NXNL2: variants seen among roughly 807,000 people sequenced by gnomAD.
The protein encoded by NXNL2 is nucleoredoxin like 2.
In NXNL2, 7 loss-of-function variants were observed where a neutral mutation model predicts 11.1. The ratio of observed to expected loss-of-function variants is 0.63; its 90% CI spans 0.36 to 1.18. The LOEUF is 1.18. Among genes scored for constraint, NXNL2 ranks in the 50% most tolerant of loss-of-function variants. The pLI is 0.02. For synonymous variants in NXNL2, 109 were observed against 101.8 expected (o/e 1.07, Z -0.42); for missense variants, 233 against 217.7 (o/e 1.07, Z -0.44).
intron 2 of NXNL2, among the ~76,000 whole-genome samples, chr9:88,574,178 A>G (rs945022981): frequency 2.6e-5 from 4 of 152,266 alleles, no homozygotes; most frequent in Admixed American, 2.6e-4. Flanking sequence ...AAATGTTCAT[A>G]GCAGTATTAT....
At chr9:88,558,299 C>G (rs1388777524) in intron 1 of NXNL2, among the ~76,000 whole-genome samples, 1 of 152,154 alleles carries the variant, frequency 6.6e-6, no homozygotes, top group Non-Finnish European at 1.5e-5. Context: ...TGGGGAGTTT[C>G]TGGCTAGCTG....
intron 2 of NXNL2, among the ~76,000 whole-genome samples, chr9:88,572,975 T>C (rs537570563): frequency 3.8e-4 from 58 of 152,288 alleles, no homozygotes; most frequent in African/African-American, 1.4e-3. Context: ...ATTAGCACCC[T>C]GTGTGGGCCT....
intron 1 of NXNL2, among the ~76,000 whole-genome samples, chr9:88,550,283 A>G (rs1829911754): frequency 6.6e-6 from 1 of 152,166 alleles, no homozygotes; most frequent in Non-Finnish European, 1.5e-5. Flanking sequence ...TCAACATGAT[A>G]TTTGGGAAGG....
At position 88,535,525 on chromosome 9, in the gene NXNL2, C is replaced by T. The variant is rs747417391; in HGVS notation, c.91C>T (p.Leu31=). The part of the protein sequence containing the change: ...EAALQNKVVA[L]YFAAARCAPS... ...GGCGCTGCAGAACAAGGTGGTGGCA[C>T]TGTACTTCGCGGCGGCCCGGTGCGC... The change falls in exon 1 of 2, where the codon CTG becomes TTG. Residue 31 remains leucine, a synonymous_variant. Transcript: ENST00000375854. 3 of 1,609,588 alleles carry T rather than the reference C, an allele frequency of 1.9e-6. No homozygotes were observed. The highest frequency in any genetic ancestry group is 4.5e-5 in the East Asian group (2 of 44,776).
In NXNL2 at chr9:88,535,439, T is replaced by C. The variant is rs776821042; in HGVS notation, c.5T>C (p.Val2Ala). The C allele has an allele frequency of 1.3e-6, 2 of 1,597,806 alleles. No individual in the cohort carries two copies. Among genetic ancestry groups the C allele is most frequent in the Admixed American group, 3.4e-5 (2 of 59,078 alleles). ...AGGTGGCTGCGTGTCTGCGCCATGGTTGACATTCTGGGCGAGCGGCACCTG... is the reference window on the plus strand; with the variant it reads ...AGGTGGCTGCGTGTCTGCGCCATGGCTGACATTCTGGGCGAGCGGCACCTG... Reference protein sequence around the residue: MVDILGERHLVT... With the variant: MADILGERHLVT... Residue 2 changes from valine (V) to alanine (A), a missense_variant, in exon 1 of 2, where the codon GTT (valine) becomes GCT (alanine). Coordinates refer to ENST00000375854, the MANE Select transcript of NXNL2 (RefSeq NM_001161625.2).
chr9:88,573,761 AATGGTTAGG>A (rs1400628730), intron 2 of NXNL2, among the ~76,000 whole-genome samples: 1 of 152,198 alleles, frequency 6.6e-6, no homozygotes, highest in Admixed American at 6.5e-5. Flanking sequence ...TGTACACTAA[AATGGTTAGG>A]ATGGTGTTAT....
intron 1 of NXNL2, among the ~76,000 whole-genome samples, chr9:88,550,191 C>T (rs1203054012): frequency 6.6e-6 from 1 of 152,152 alleles, no homozygotes; most frequent in Non-Finnish European, 1.5e-5. Context: ...AAGAGAATGG[C>T]ACTAAACCAT....
In NXNL2 at chr9:88,535,345, CG is replaced by C. The variant is rs1282511633; in HGVS notation, c.-86del. On this transcript the variant is annotated 5_prime_UTR_variant, in exon 1 of 2. Coordinates refer to ENST00000375854, the MANE Select transcript of NXNL2 (RefSeq NM_001161625.2). ...CAGCGCCCGGTGGTGCGGACAGAGG[CG>C]GGGCACCGCGGCGCTCGCCGCCGCC... 6.9e-6 allele frequency: 9 copies of C among 1,310,578 alleles called. No individual in the cohort carries two copies. Among genetic ancestry groups the C allele is most frequent in the Non-Finnish European group, 9.2e-6 (9 of 982,296 alleles). 81.2% of individuals were successfully genotyped at this position (1,310,578 alleles called of 1,614,324 possible).
At chr9:88,537,199 T>C (rs748224094) in intron 1 of NXNL2, among the ~76,000 whole-genome samples, 5 of 152,224 alleles carry the variant, frequency 3.3e-5, no homozygotes, top group Non-Finnish European at 5.9e-5. Flanking sequence ...CCCAGCTCTC[T>C]AGTCTATTGC....
chr9:88,544,568 G>A lies in NXNL2; in HGVS notation c.*21G>A. ...TTTGAAGTGGGAGGGACCTCAGAGG[G>A]CCAGGACAGGTGCTGCTTCTCCAGC... On this transcript the variant is annotated 3_prime_UTR_variant, in exon 2 of 2. Coordinates refer to ENST00000375854, the MANE Select transcript of NXNL2 (RefSeq NM_001161625.2). The A allele has an allele frequency of 6.6e-7, 1 of 1,505,524 alleles. No individual in the cohort carries two copies. The highest frequency in any genetic ancestry group is 2.5e-5 in the East Asian group (1 of 40,170). 93.3% of individuals were successfully genotyped at this position (1,505,524 alleles called of 1,614,324 possible). A position where few individuals can be genotyped will look rare whatever the true frequency, so the allele number is the denominator to read the frequency against.
At chr9:88,565,841 C>A (rs560460049) in intron 1 of NXNL2, among the ~76,000 whole-genome samples, 42 of 152,076 alleles carry the variant, frequency 2.8e-4, no homozygotes, top group South Asian at 2.1e-4. Context: ...CCAGCCAACA[C>A]TTGTATTTTT....
intron 1 of NXNL2, among the ~76,000 whole-genome samples, chr9:88,567,930 C>T (rs937488965): frequency 2.0e-5 from 3 of 152,174 alleles, no homozygotes; most frequent in Non-Finnish European, 4.4e-5. Flanking sequence ...CAGGGGGGCC[C>T]TCACTTGGGT....
At chr9:88,565,944 A>G (rs1830164119) in intron 1 of NXNL2, among the ~76,000 whole-genome samples, 2 of 152,144 alleles carry the variant, frequency 1.3e-5, no homozygotes, top group Non-Finnish European at 2.9e-5. Context: ...GATGTTGAAA[A>G]TCTTTTCATA....
chr9:88,558,882 G>A (rs988555662), intron 1 of NXNL2, among the ~76,000 whole-genome samples: 2 of 152,090 alleles, frequency 1.3e-5, no homozygotes, highest in Non-Finnish European at 2.9e-5. Flanking sequence ...TAGGTCTCAA[G>A]GGGAGAGATG....
chr9:88,564,417 T>A (rs149335600), intron 1 of NXNL2, among the ~76,000 whole-genome samples: 1,655 of 151,982 alleles, frequency 0.011, 10 homozygotes, highest in Non-Finnish European at 0.018. Context: ...ATTTATATAT[T>A]TATTTATTTA....
downstream of NXNL2, among the ~76,000 whole-genome samples, chr9:88,577,242 C>G (rs914466423): frequency 6.6e-6 from 1 of 151,692 alleles, no homozygotes; most frequent in Non-Finnish European, 1.5e-5. Flanking sequence ...TCCCTGATTC[C>G]TTTCCTGGAT....
chr9:88,561,278 CAGACTCCA>C (rs1830082017), intron 1 of NXNL2, among the ~76,000 whole-genome samples: 1 of 152,198 alleles, frequency 6.6e-6, no homozygotes, highest in African/African-American at 2.4e-5. Context: ...CCTCAAACAT[CAGACTCCA>C]AGTTCTTCAG....
chr9:88,575,540 G>A (rs376111556), exon 3 of NXNL2: 7 of 152,166 alleles, frequency 4.6e-5, no homozygotes, highest in African/African-American at 1.7e-4. Context: ...TTATTTGTGG[G>A]ATCTAATGAT....
downstream of NXNL2, among the ~76,000 whole-genome samples, chr9:88,577,176 G>A (rs986952634): frequency 6.6e-6 from 1 of 152,174 alleles, no homozygotes; most frequent in Non-Finnish European, 1.5e-5. Flanking sequence ...AGACAAGTGA[G>A]GGTTAAAAGT....
Sources: gnomAD v4.1 joint callset for allele counts (sites outside exome capture counted in the v4.1 genomes callset) on GRCh38, gnomAD v4.1.1 for gene constraint, MANE v1.5 for transcripts, NCBI Gene and HGNC (gene_info 2026-07-23, HGNC 2026-07-21) for gene names.